Variants in HS6ST1 observed in about 807,000 individuals in gnomAD.
HS6ST1 encodes heparan-sulfate 6-O-sulfotransferase 1.
Under a neutral mutation model 25.2 loss-of-function variants are expected in HS6ST1, and 3 were observed. That is an observed-to-expected ratio of 0.12 (90% CI 0.05 to 0.31). The LOEUF (loss-of-function observed/expected upper bound fraction) is 0.31, where lower values mean the gene tolerates loss of function less well. Among genes scored for constraint, HS6ST1 ranks in the 10% least tolerant of loss-of-function variants. The pLI is 1.00. For synonymous variants in HS6ST1, 204 were observed against 275.1 expected (o/e 0.74, Z 2.56); for missense variants, 310 against 609.6 (o/e 0.51, Z 5.18).
At chr2:128,317,924 C>T in intron 1 of HS6ST1, 113 bp downstream of exon 1, 1 of 1,274,582 alleles carries the variant, frequency 7.8e-7, no homozygotes, top group South Asian at 2.2e-5. Context: ...TGGGGGCCCC[C>T]AAGAGGGCAG....
intron 1 of HS6ST1, among the ~76,000 whole-genome samples, chr2:128,316,703 G>T (rs1052015638): frequency 1.3e-5 from 2 of 151,380 alleles, no homozygotes; most frequent in African/African-American, 4.9e-5. Context: ...GTGTGTGTGT[G>T]TGTGGGTGTG....
chr2:128,289,176 C>T (rs1022727550), intron 1 of HS6ST1, among the ~76,000 whole-genome samples: 3 of 152,084 alleles, frequency 2.0e-5, no homozygotes, highest in African/African-American at 7.3e-5. Context: ...TCTATACTCC[C>T]ATGGCCCTGG....
At chr2:128,317,676 A>C (rs1170501850) in intron 1 of HS6ST1, among the ~76,000 whole-genome samples, 1 of 152,228 alleles carries the variant, frequency 6.6e-6, no homozygotes, top group Non-Finnish European at 1.5e-5. Flanking sequence ...CACACCCAGA[A>C]GCCCGCGTCC....
At chr2:128,294,664 A>T (rs1694011890) in intron 1 of HS6ST1, among the ~76,000 whole-genome samples, 1 of 139,152 alleles carries the variant, frequency 7.2e-6, no homozygotes, top group African/African-American at 2.7e-5. Context: ...ACCGCAAAGA[A>T]GGGAGGCGTG....
At chr2:128,308,204 AG>A (rs1331413267) in intron 1 of HS6ST1, among the ~76,000 whole-genome samples, 1 of 152,226 alleles carries the variant, frequency 6.6e-6, no homozygotes, top group East Asian at 1.9e-4. Flanking sequence ...GCAGGGAGGC[AG>A]GGGTGGGGTG....
chr2:128,318,410 C>A lies in HS6ST1; in HGVS notation c.154G>T (p.Asp52Tyr), dbSNP rs1032967315. The change falls in exon 1 of 2, where the codon GAC becomes TAC. Residue 52 changes from aspartate to tyrosine, a missense_variant. Asp to Tyr is a radical substitution (Grantham distance 160). Coordinates refer to ENST00000259241, the MANE Select transcript of HS6ST1 (RefSeq NM_004807.3). The surrounding 1 kb of genome is among the most constrained non-coding windows in gnomAD (Gnocchi z 5.7). ...LGAPGGRAPP[D>Y]DLDLFPTPDP... Reference sequence around the variant, plus strand: ...GGTGTGGGGAACAGGTCCAGGTCGTCGGGCGGCGCGCGGCCGCCGGGCGCG... The same window carrying A: ...GGTGTGGGGAACAGGTCCAGGTCGTAGGGCGGCGCGCGGCCGCCGGGCGCG... 2 of 1,603,380 alleles carry A rather than the reference C, an allele frequency of 1.2e-6. No homozygotes were observed. Among genetic ancestry groups the A allele is most frequent in the Middle Eastern group, 1.9e-4 (1 of 5,202 alleles).
chr2:128,318,741 C>A lies in HS6ST1; in HGVS notation c.-178G>T, dbSNP rs1694417596. On this transcript the variant is annotated 5_prime_UTR_variant, in exon 1 of 2. Transcript: ENST00000259241. The surrounding 1 kb of genome is among the most constrained non-coding windows in gnomAD (Gnocchi z 5.7). Reference sequence around the variant, plus strand: ...GGTGCCATGGCTGCTCCCCGCCCGGCCCCGGCTCCCCGGGCCCGACGCCCG... The same window carrying A: ...GGTGCCATGGCTGCTCCCCGCCCGGACCCGGCTCCCCGGGCCCGACGCCCG... Among the ~76,000 whole-genome samples, 1 of 146,614 alleles carries A rather than the reference C, an allele frequency of 6.8e-6. No homozygotes were observed. The highest frequency in any genetic ancestry group is 1.5e-5 in the Non-Finnish European group (1 of 65,938).
At position 128,267,208 on chromosome 2, in the gene HS6ST1, G is replaced by C. The variant is rs951118095; in HGVS notation, c.*954C>G. The C allele has an allele frequency of 1.3e-5, 2 of 152,098 alleles. No homozygotes were observed. Among genetic ancestry groups the C allele is most frequent in the Non-Finnish European group, 2.9e-5 (2 of 68,016 alleles). The allele number at this position is 152,098 out of a possible 1,614,324, so 9.4% of individuals were successfully genotyped here. ...ATTTGAGCTCTTGAGTATGTGTTTC[G>C]GTGATGGGGCTGGGGCAGCCTGCTA... On this transcript the variant is annotated 3_prime_UTR_variant, in exon 2 of 2. Transcript: ENST00000259241.
intron 1 of HS6ST1, among the ~76,000 whole-genome samples, chr2:128,293,499 T>C (rs1378776791): frequency 6.6e-6 from 1 of 152,184 alleles, no homozygotes; most frequent in Non-Finnish European, 1.5e-5. Context: ...CTGTTCCTCA[T>C]ACCCCAGGAC....
In HS6ST1 at chr2:128,301,323, C is replaced by T. The variant is rs151297171; in HGVS notation, c.527+16714G>A. ...ATCCCCAGGGGCTGCATGGCTCCTG[C>T]GCCCTGTGTGTCAGGCAGGGGTTCC... On this transcript the variant is annotated intron_variant, in intron 1 of 1. Transcript: ENST00000259241. Among the ~76,000 whole-genome samples the T allele has an allele frequency of 9.9e-5, 15 of 152,084 alleles. No individual in the cohort carries two copies. The South Asian group carries it at 2.1e-3, about 21-fold the overall frequency.
chr2:128,270,130 A>G (rs531344040), intron 1 of HS6ST1, among the ~76,000 whole-genome samples: 1 of 152,300 alleles, frequency 6.6e-6, no homozygotes, highest in South Asian at 2.1e-4. Flanking sequence ...AGGGGCAGGC[A>G]GCAAGGCCAG....
At position 128,265,966 on chromosome 2, in the gene HS6ST1, C is replaced by G. The variant is rs562774538; in HGVS notation, c.*2196G>C. 1.3e-5 allele frequency: 2 copies of G among 151,878 alleles called. 1 individual carries two copies. Among genetic ancestry groups the G allele is most frequent in the South Asian group, 4.2e-4 (2 of 4,790 alleles). The allele number at this position is 151,878 out of a possible 1,614,324, so 9.4% of individuals were successfully genotyped here. On this transcript the variant is annotated 3_prime_UTR_variant, in exon 2 of 2. Coordinates refer to ENST00000259241, the MANE Select transcript of HS6ST1 (RefSeq NM_004807.3). ...AGGGCACTGCCAGCTGCCGCCGCCTCTGGACACCTCAGCCCGGCGCTGGCC... is the reference window on the plus strand; with the variant it reads ...AGGGCACTGCCAGCTGCCGCCGCCTGTGGACACCTCAGCCCGGCGCTGGCC...
In HS6ST1 at chr2:128,268,770, T is replaced by C. The variant is rs1693566681; in HGVS notation, c.628A>G (p.Met210Val). 3.7e-6 allele frequency: 6 copies of C among 1,612,500 alleles called. No homozygotes were observed. Among genetic ancestry groups the C allele is most frequent in the East Asian group, 2.2e-5 (1 of 44,898 alleles). The part of the protein sequence containing the change: ...RGATWKTSLH[M>V]CDGRTPTPEE... ...GGCGTGGGCGTGCGCCCATCACACA[T>C]ATGCAACGACGTCTTCCACGTGGCA... Residue 210 changes from methionine (M) to valine (V), a missense_variant, in exon 2 of 2, where the codon ATG becomes GTG. Physicochemically the swap from Met to Val is conservative, Grantham distance 21. Around this residue, in one of 5 missense-constraint regions of HS6ST1, gnomAD observed 98 missense variants for 270.3 expected, o/e 0.36. Coordinates refer to ENST00000259241, the MANE Select transcript of HS6ST1 (RefSeq NM_004807.3).
intron 1 of HS6ST1, among the ~76,000 whole-genome samples, chr2:128,279,984 C>T (rs993620152): frequency 2.0e-5 from 3 of 152,308 alleles, no homozygotes; most frequent in South Asian, 2.1e-4. Context: ...TGGCTCTCTC[C>T]GGAAAGCGAC....
At chr2:128,302,022 C>T (rs1483467123) in intron 1 of HS6ST1, among the ~76,000 whole-genome samples, 1 of 152,158 alleles carries the variant, frequency 6.6e-6, no homozygotes, top group Non-Finnish European at 1.5e-5. Context: ...AAAGTCATGC[C>T]CCAATGAGAA....
At chr2:128,278,453 C>G (rs1693729494) in intron 1 of HS6ST1, among the ~76,000 whole-genome samples, 1 of 152,226 alleles carries the variant, frequency 6.6e-6, no homozygotes, top group African/African-American at 2.4e-5. Context: ...GGTGCAGTAA[C>G]TCCACCTCTG....
At chr2:128,308,050 G>A (rs993677346) in intron 1 of HS6ST1, among the ~76,000 whole-genome samples, 1 of 152,242 alleles carries the variant, frequency 6.6e-6, no homozygotes, top group Non-Finnish European at 1.5e-5. Context: ...AGAAGGTCAA[G>A]CAGAGTTTGA....
intron 1 of HS6ST1, among the ~76,000 whole-genome samples, chr2:128,303,254 A>G (rs938215517): frequency 3.3e-5 from 5 of 152,260 alleles, no homozygotes; most frequent in African/African-American, 1.2e-4. Flanking sequence ...CACAGAGGAC[A>G]GTAAAGGCAG....
Position 128,267,794 on chromosome 2 carries a change from C to G in HS6ST1, c.*368G>C, listed in dbSNP as rs1485372904. 75 of 356,128 alleles carry G rather than the reference C, an allele frequency of 2.1e-4. No homozygotes were observed. Among genetic ancestry groups the G allele is most frequent in the Non-Finnish European group, 3.5e-4 (67 of 191,080 alleles). 22.1% of individuals were successfully genotyped at this position (356,128 alleles called of 1,614,324 possible). A position where few individuals can be genotyped will look rare whatever the true frequency, so the allele number is the denominator to read the frequency against. On this transcript the variant is annotated 3_prime_UTR_variant, in exon 2 of 2. Transcript: ENST00000259241. The stretch of plus-strand genomic sequence containing the variant: ...CTGTGTGCATAGTTGGTGAGGGACA[C>G]ACTCCCGGCCTGGCAGGTCCACTTT...
Sources: allele counts gnomAD v4.1 joint callset (sites outside exome capture counted in the v4.1 genomes callset), GRCh38; gene constraint gnomAD v4.1.1; regional missense constraint gnomAD v4.1.1; non-coding constraint Gnocchi (gnomAD v3.1); transcripts MANE v1.5; gene names NCBI Gene and HGNC (gene_info 2026-07-23, HGNC 2026-07-21).